Variants in AGMO observed in about 807,000 individuals in gnomAD.
The protein encoded by AGMO is glyceryl-ether monooxygenase.
A neutral mutation model predicts 60.2 loss-of-function variants in AGMO; 75 were observed. The observed-to-expected ratio is 1.25, with a 90% CI of 1.03 to 1.51. AGMO has a LOEUF of 1.51. Ranked by LOEUF, AGMO falls within the 40% of genes most tolerant of loss-of-function variation. The pLI, the probability that AGMO is intolerant of heterozygous loss-of-function variation, is 0.00. For synonymous variants in AGMO, 261 were observed against 177.1 expected (o/e 1.47, Z -3.76); for missense variants, 763 against 525.5 (o/e 1.45, Z -4.42).
At chr7:15,196,292 A>G (rs1407168681), downstream of AGMO, among the ~76,000 whole-genome samples, 3 of 151,686 alleles carry the variant, frequency 2.0e-5, no homozygotes, top group Non-Finnish European at 4.4e-5. Flanking sequence ...CATGTGATCC[A>G]CCCAACTTGG....
intron 12 of AGMO, among the ~76,000 whole-genome samples, chr7:15,235,598 A>T (rs6969653): frequency 0.63 from 96,342 of 151,860 alleles, 31,600 homozygotes; most frequent in Admixed American, 0.75. Context: ...GGCCGTTCTG[A>T]TTCATTTTGT....
chr7:15,514,224 T>C (rs190422971), intron 3 of AGMO, among the ~76,000 whole-genome samples: 1 of 152,312 alleles, frequency 6.6e-6, no homozygotes, highest in Admixed American at 6.5e-5. Flanking sequence ...TTGTGCTCTT[T>C]TCGGCTTAGC....
chr7:15,147,457 C>A, the AGMO span, among the ~76,000 whole-genome samples: 1 of 152,060 alleles, frequency 6.6e-6, no homozygotes, highest in African/African-American at 2.4e-5. Context: ...ACCATTAGAT[C>A]TTGTGAGACT....
At chr7:15,458,613 A>G (rs1211561357) in intron 3 of AGMO, among the ~76,000 whole-genome samples, 2 of 152,300 alleles carry the variant, frequency 1.3e-5, no homozygotes, top group Middle Eastern at 3.4e-3. Flanking sequence ...ATTAAACAGA[A>G]GTCTGCACAT....
chr7:15,510,150 T>C (rs552777756), intron 3 of AGMO, among the ~76,000 whole-genome samples: 4 of 152,204 alleles, frequency 2.6e-5, no homozygotes, highest in South Asian at 2.1e-4. Flanking sequence ...AGACAAGATA[T>C]AGAAACAACC....
intron 8 of AGMO, among the ~76,000 whole-genome samples, chr7:15,389,064 T>C (rs1464448980): frequency 6.6e-6 from 1 of 152,192 alleles, no homozygotes; most frequent in Non-Finnish European, 1.5e-5. Flanking sequence ...CACTTTCTCA[T>C]TCTGTCTCAA....
intron 12 of AGMO, among the ~76,000 whole-genome samples, chr7:15,289,042 A>G (rs1034306534): frequency 1.3e-5 from 2 of 151,658 alleles, no homozygotes; most frequent in Non-Finnish European, 2.9e-5. Flanking sequence ...TTTTTTCTCC[A>G]TTCTTTAAAT....
At chr7:15,395,145 C>T (rs1180883625) in intron 5 of AGMO, among the ~76,000 whole-genome samples, 1 of 152,074 alleles carries the variant, frequency 6.6e-6, no homozygotes, top group Middle Eastern at 3.2e-3. Flanking sequence ...TAGAGCCTAC[C>T]AATGACAAAA....
the AGMO span, among the ~76,000 whole-genome samples, chr7:15,154,945 A>AG: frequency 6.6e-6 from 1 of 152,102 alleles, no homozygotes; most frequent in South Asian, 2.1e-4. Flanking sequence ...TCTGCCTTTT[A>AG]GGGGTTTTGA....
At chr7:15,421,429 T>C (rs1323728416) in intron 4 of AGMO, among the ~76,000 whole-genome samples, 1 of 152,122 alleles carries the variant, frequency 6.6e-6, no homozygotes, top group Non-Finnish European at 1.5e-5. Flanking sequence ...TTTTTAAGCA[T>C]GTAAGAGATG....
chr7:15,363,801 G>C (rs1782856800), intron 12 of AGMO, among the ~76,000 whole-genome samples: 1 of 151,930 alleles, frequency 6.6e-6, no homozygotes. Flanking sequence ...TTTCCTTCTG[G>C]TGTGTGTAAG....
At chr7:15,284,386 G>A (rs371376168) in intron 12 of AGMO, among the ~76,000 whole-genome samples, 1 of 151,926 alleles carries the variant, frequency 6.6e-6, no homozygotes, top group African/African-American at 2.4e-5. Context: ...TGAAAATGAA[G>A]ACATTACAAC....
chr7:15,456,458 T>A (rs1562516845), intron 3 of AGMO, among the ~76,000 whole-genome samples: 1 of 152,112 alleles, frequency 6.6e-6, no homozygotes, highest in Non-Finnish European at 1.5e-5. Flanking sequence ...TTTTCAGGGA[T>A]TCTTGAGGCC....
At chr7:15,279,927 A>C (rs368390107) in intron 12 of AGMO, among the ~76,000 whole-genome samples, 6 of 152,324 alleles carry the variant, frequency 3.9e-5, no homozygotes, top group African/African-American at 1.2e-4. Context: ...GCATGGACCG[A>C]GGGAAGTTAT....
At chr7:15,117,335 G>A in the AGMO span, among the ~76,000 whole-genome samples, 1 of 151,942 alleles carries the variant, frequency 6.6e-6, no homozygotes, top group Non-Finnish European at 1.5e-5. Context: ...TGTAACCGAT[G>A]TAATGGATAC....
At chr7:15,144,878 G>C in the AGMO span, among the ~76,000 whole-genome samples, 1 of 152,238 alleles carries the variant, frequency 6.6e-6, no homozygotes, top group Admixed American at 6.5e-5. Flanking sequence ...CGCCCAGGCT[G>C]GAGTGCAGTG....
intron 12 of AGMO, among the ~76,000 whole-genome samples, chr7:15,355,501 T>C (rs1349273047): frequency 7.9e-5 from 3 of 38,002 alleles, no homozygotes; most frequent in Non-Finnish European, 1.3e-4. Flanking sequence ...TGAGACTCTG[T>C]CTCAAAAAAA....
At chr7:15,245,848 G>C (rs1782724769) in intron 12 of AGMO, among the ~76,000 whole-genome samples, 1 of 152,072 alleles carries the variant, frequency 6.6e-6, no homozygotes, top group Non-Finnish European at 1.5e-5. Context: ...AGGAATAATG[G>C]AGGAAAAGAA....
intron 1 of AGMO, among the ~76,000 whole-genome samples, chr7:15,561,288 C>T (rs779761184): frequency 3.3e-5 from 5 of 152,162 alleles, no homozygotes; most frequent in Admixed American, 6.5e-5. Flanking sequence ...GGTCAAGCTG[C>T]ATATCCTTCA....
Sources: gnomAD v4.1 joint callset for allele counts (sites outside exome capture counted in the v4.1 genomes callset) on GRCh38, gnomAD v4.1.1 for gene constraint, MANE v1.5 for transcripts, NCBI Gene and HGNC (gene_info 2026-07-23, HGNC 2026-07-21) for gene names.